The following NCAPD3 variants were observed in gnomAD, a reference collection of about 807,000 sequenced individuals.
The protein encoded by NCAPD3 is non-SMC condensin II complex subunit D3.
In NCAPD3, 105 loss-of-function variants were observed where a neutral mutation model predicts 182.9. The ratio of observed to expected loss-of-function variants is 0.57; its 90% CI spans 0.49 to 0.68. The LOEUF is 0.68. Ranked by LOEUF, NCAPD3 falls within the 30% of genes least tolerant of loss-of-function variation. The pLI is 0.00. For missense variants in NCAPD3, 1,944 were observed against 1,837.0 expected (o/e 1.06, Z -1.07); for synonymous variants, 815 against 679.9 (o/e 1.20, Z -3.09).
At chr11:134,185,236 T>C in intron 17 of NCAPD3, 99 bp downstream of exon 17, 1 of 1,107,834 alleles carries the variant, frequency 9.0e-7, no homozygotes, top group Non-Finnish European at 1.3e-6. Flanking sequence ...AGAAGGTCTC[T>C]GTATATGAAT....
chr11:134,157,895 TCTA>T (rs1324617188), intron 31 of NCAPD3, 30 bp downstream of exon 31: 10 of 1,589,846 alleles, frequency 6.3e-6, no homozygotes, highest in Admixed American at 5.2e-5. Flanking sequence ...CTGTAAATGC[TCTA>T]CTGTGTCTGG....
rs1438503374 is a variant in NCAPD3 at position 134,150,920 on chromosome 11, A to T, written c.*2024T>A. 2 of 152,198 alleles carry T rather than the reference A, an allele frequency of 1.3e-5. No homozygotes were observed. Among genetic ancestry groups the T allele is most frequent in the Non-Finnish European group, 2.9e-5 (2 of 68,034 alleles). The allele number at this position is 152,198 out of a possible 1,614,324, so 9.4% of individuals were successfully genotyped here. A position where few individuals can be genotyped will look rare whatever the true frequency, so the allele number is the denominator to read the frequency against. Reference sequence around the variant, plus strand: ...AAAGTGAAACGCCTGAATCAAAAGCAGTTTTCTAATTTTGACTTTAAATTT... The same window carrying T: ...AAAGTGAAACGCCTGAATCAAAAGCTGTTTTCTAATTTTGACTTTAAATTT... On this transcript the variant is annotated 3_prime_UTR_variant, in exon 35 of 35. Coordinates refer to ENST00000534548, the MANE Select transcript of NCAPD3 (RefSeq NM_015261.3).
chr11:134,168,114 T>C lies in NCAPD3; in HGVS notation c.3455A>G (p.Lys1152Arg). The C allele has an allele frequency of 1.2e-6, 2 of 1,614,166 alleles. No individual in the cohort carries two copies. The highest frequency in any genetic ancestry group is 1.7e-6 in the Non-Finnish European group (2 of 1,179,996). Residue 1152 changes from lysine to arginine, a missense_variant, in exon 27 of 35, where the codon AAG becomes AGG. Transcript: ENST00000534548. Reference sequence around the variant, plus strand: ...TCTCATTGCCAAAAGCTTGATCTCCTTTGAGCTGAGGACCTCAAACGTGTC... The same window carrying C: ...TCTCATTGCCAAAAGCTTGATCTCCCTTGAGCTGAGGACCTCAAACGTGTC... Reference protein sequence around the residue: ...LSDTFEVLSSKEIKLLAMRSK... With the variant: ...LSDTFEVLSSREIKLLAMRSK...
In NCAPD3 at chr11:134,203,155, C is replaced by T. The variant is rs1194945415; in HGVS notation, c.1512G>A (p.Leu504=). ...SVIESHPGTL[L]RNSSAFSYQR... Reference sequence around the variant, plus strand: ...TTGATCCATTACCTGATGAATTTCTCAGTAAGGTACCAGGGTGACTCTCTA... The same window carrying T: ...TTGATCCATTACCTGATGAATTTCTTAGTAAGGTACCAGGGTGACTCTCTA... The change falls in exon 12 of 35, where the codon CTG becomes CTA. Residue 504 remains leucine, a synonymous_variant. Transcript: ENST00000534548. The T allele has an allele frequency of 6.3e-7, 1 of 1,592,752 alleles. No individual in the cohort carries two copies.
rs1943296321 is a variant in NCAPD3 at position 134,152,907 on chromosome 11, G to A, written c.*37C>T. 1 of 1,470,568 alleles carries A rather than the reference G, an allele frequency of 6.8e-7. No homozygotes were observed. The highest frequency in any genetic ancestry group is 9.2e-7 in the Non-Finnish European group (1 of 1,091,886). The allele number at this position is 1,470,568 out of a possible 1,614,324, so 91.1% of individuals were successfully genotyped here. On this transcript the variant is annotated 3_prime_UTR_variant, in exon 35 of 35. Transcript: ENST00000534548. ...GAGGACACGAGACTGCTTCCTCAAG[G>A]GCTCCTGCCTGCCTGGACACTGGTG...
Position 134,216,940 on chromosome 11 carries a change from T to C in NCAPD3, c.378A>G (p.Val126=). 6.2e-7 allele frequency: 1 copy of C among 1,609,384 alleles called. No individual in the cohort carries two copies. The highest frequency in any genetic ancestry group is 1.1e-5 in the South Asian group (1 of 90,024). ...TATCATATCAGGTCTACATACCTGG[T>C]ACTTCTAGTAGCAAAAAGTAAAGCC... ...AAGLYFLLLE[V]PGSVANQVFH... is the part of the protein sequence containing the mutation. Residue 126 remains valine (V), a synonymous_variant, in exon 3 of 35, where the codon GTA becomes GTG. Transcript: ENST00000534548.
chr11:134,214,258 G>T lies in NCAPD3; in HGVS notation c.382+2678C>A, dbSNP rs1937939620. On this transcript the variant is annotated intron_variant, in intron 3 of 34. Coordinates refer to ENST00000534548, the MANE Select transcript of NCAPD3 (RefSeq NM_015261.3). ...TCCCACCAATTAAAACTCAATTACA[G>T]TAAGATTTCAGGAAAGTTCAAATAT... Among the ~76,000 whole-genome samples the T allele has an allele frequency of 2.0e-5, 3 of 151,938 alleles. No individual in the cohort carries two copies. In the South Asian group the frequency reaches 6.2e-4, roughly 32 times the overall value.
intron 32 of NCAPD3, chr11:134,153,756 C>T (rs769313285): frequency 1.9e-4 from 47 of 245,834 alleles, no homozygotes; most frequent in Non-Finnish European, 3.2e-4. Context: ...CACCTCCACG[C>T]GTGCCTGCTG....
chr11:134,164,607 T>C (rs898896974), intron 27 of NCAPD3, among the ~76,000 whole-genome samples: 1 of 148,074 alleles, frequency 6.8e-6, no homozygotes, highest in African/African-American at 2.5e-5. Flanking sequence ...TTAGGGGAGC[T>C]GCACACTCAC....
At chr11:134,163,094 G>A (rs559260840) in intron 27 of NCAPD3, among the ~76,000 whole-genome samples, 1 of 152,270 alleles carries the variant, frequency 6.6e-6, no homozygotes, top group East Asian at 1.9e-4. Context: ...AGGATGGAGG[G>A]AGGTATGGGA....
At chr11:134,192,561 ATACT>A in intron 16 of NCAPD3, 124 bp downstream of exon 16, 1 of 752,316 alleles carries the variant, frequency 1.3e-6, no homozygotes, top group Admixed American at 2.7e-5. Context: ...AGAGAGACCA[ATACT>A]TAATCTTCAC....
rs547405868 is a variant in NCAPD3 at position 134,161,905 on chromosome 11, C to T, written c.3574-14G>A. 4.3e-6 allele frequency: 6 copies of T among 1,379,672 alleles called. No individual in the cohort carries two copies. In the South Asian group the frequency reaches 6.2e-5, roughly 14 times the overall value. The allele number at this position is 1,379,672 out of a possible 1,614,324, so 85.5% of individuals were successfully genotyped here. On this transcript the variant is annotated splice_polypyrimidine_tract_variant and intron_variant, in intron 27 of 34. Coordinates refer to ENST00000534548, the MANE Select transcript of NCAPD3 (RefSeq NM_015261.3). ...CCTCTTCTGAACCTGGTAACACAAA[C>T]AAAGACATGTTTTAGATGTATGAAC...
Position 134,184,959 on chromosome 11 carries a change from C to A in NCAPD3, c.2279G>T (p.Cys760Phe), listed in dbSNP as rs746671906. 6.2e-7 allele frequency: 1 copy of A among 1,613,972 alleles called. No individual in the cohort carries two copies. The highest frequency in any genetic ancestry group is 8.5e-7 in the Non-Finnish European group (1 of 1,179,894). ...ATGCTTTGCAATATGCCCAATCACA[C>A]AGAGAATATGTCCTAAGGTGTTTGA... Reference protein sequence around the residue: ...PNSNTLGHILCVIGHIAKHLP... With the variant: ...PNSNTLGHILFVIGHIAKHLP... Residue 760 changes from cysteine (C) to phenylalanine (F), a missense_variant, in exon 18 of 35, where the codon TGT (cysteine) becomes TTT (phenylalanine). Cys to Phe is a radical substitution (Grantham distance 205). Coordinates refer to ENST00000534548, the MANE Select transcript of NCAPD3 (RefSeq NM_015261.3).
In NCAPD3 at chr11:134,204,258, G is replaced by A. The variant is rs1944807748; in HGVS notation, c.1090-87C>T. ...TCTGTAATATAAGTTGAAAGTCAGT[G>A]AGTACAACTAGTTCAATGACCTTTA... On this transcript the variant is annotated intron_variant, in intron 9 of 34. Coordinates refer to ENST00000534548, the MANE Select transcript of NCAPD3 (RefSeq NM_015261.3). The surrounding 1 kb of genome is among the most constrained non-coding windows in gnomAD (Gnocchi z 4.3). 2.1e-6 allele frequency: 3 copies of A among 1,437,246 alleles called. No homozygotes were observed. Among genetic ancestry groups the A allele is most frequent in the Non-Finnish European group, 2.9e-6 (3 of 1,051,896 alleles). The allele number at this position is 1,437,246 out of a possible 1,614,324, so 89.0% of individuals were successfully genotyped here.
chr11:134,198,070 T>C (rs1472970826), intron 13 of NCAPD3, among the ~76,000 whole-genome samples: 3 of 152,174 alleles, frequency 2.0e-5, no homozygotes, highest in Admixed American at 6.5e-5. Flanking sequence ...TGAATGGACT[T>C]CCTCCTCAGC....
intron 19 of NCAPD3, chr11:134,183,020 C>T (rs1944329476): frequency 2.2e-6 from 1 of 446,046 alleles, no homozygotes; most frequent in Admixed American, 2.5e-5. Context: ...AACCTGAAGA[C>T]AGTTCTTGCC....
At chr11:134,205,081 G>T (rs1453007949) in intron 8 of NCAPD3, 110 bp from the exon 9 acceptor site, 2 of 739,482 alleles carry the variant, frequency 2.7e-6, no homozygotes, top group African/African-American at 1.8e-5. Flanking sequence ...TCTACCTCAC[G>T]CTATAAGAGT....
intron 27 of NCAPD3, among the ~76,000 whole-genome samples, chr11:134,162,812 G>A (rs79935816): frequency 0.048 from 7,361 of 152,296 alleles, 233 homozygotes; most frequent in Non-Finnish European, 0.06. Context: ...GCAAAATGAA[G>A]CTAAGCATCC....
At chr11:134,155,550 C>A (rs1037623114) in intron 32 of NCAPD3, among the ~76,000 whole-genome samples, 1 of 152,306 alleles carries the variant, frequency 6.6e-6, no homozygotes, top group South Asian at 2.1e-4. Flanking sequence ...TGGCTCCACA[C>A]AGGCAGATGA....
Sources: gnomAD v4.1 joint callset for allele counts (sites outside exome capture counted in the v4.1 genomes callset) on GRCh38, gnomAD v4.1.1 for gene constraint, Gnocchi (gnomAD v3.1) non-coding constraint, MANE v1.5 for transcripts, NCBI Gene and HGNC (gene_info 2026-07-23, HGNC 2026-07-21) for gene names.